Variants in PTPRK observed in about 807,000 individuals in gnomAD.
PTPRK encodes receptor-type tyrosine-protein phosphatase kappa.
A neutral mutation model predicts 178.0 loss-of-function variants in PTPRK; 75 were observed. The observed-to-expected ratio is 0.42, with a 90% CI of 0.35 to 0.51. The LOEUF (loss-of-function observed/expected upper bound fraction) is 0.51. PTPRK is among the 20% of genes least tolerant of loss of function. The pLI, the probability that PTPRK is intolerant of heterozygous loss-of-function variation, is 0.02. For missense variants in PTPRK, 1,441 were observed against 1,797.8 expected (o/e 0.80, Z 3.59); for synonymous variants, 637 against 620.6 (o/e 1.03, Z -0.39).
chr6:128,225,843 G>A (rs975647307), intron 5 of PTPRK, among the ~76,000 whole-genome samples: 2 of 152,068 alleles, frequency 1.3e-5, no homozygotes, highest in Non-Finnish European at 2.9e-5. Flanking sequence ...GGCAATGGAA[G>A]GATGGAAGAA....
In PTPRK at chr6:127,985,873, C is replaced by T. The variant is rs61757811; in HGVS notation, c.3099G>A (p.Arg1033=). Residue 1033 remains arginine (R), a splice_region_variant and synonymous_variant, in exon 22 of 30, where the codon AGG becomes AGA. Coordinates refer to ENST00000368226, the MANE Select transcript of PTPRK (RefSeq NM_002844.4). ...YVVRTFTLER[R]GYNEIREVKQ... The stretch of plus-strand genomic sequence containing the variant: ...TAACTTCACGGATTTCATTGTACCC[C>T]CTCTGTGCAAAGATGGAAAGAAATG... The T allele has an allele frequency of 9.8e-3, 15,711 of 1,608,786 alleles. 1,281 individuals carry two copies. In the African/African-American group the frequency reaches 0.18, roughly 18 times the overall value.
At chr6:128,293,796 A>G (rs1158106713) in intron 3 of PTPRK, among the ~76,000 whole-genome samples, 1 of 152,164 alleles carries the variant, frequency 6.6e-6, no homozygotes, top group East Asian at 1.9e-4. Context: ...TGAGGAAAAG[A>G]GGTACAATTC....
intron 2 of PTPRK, among the ~76,000 whole-genome samples, chr6:128,323,666 G>A (rs1053235162): frequency 3.3e-5 from 5 of 152,142 alleles, no homozygotes; most frequent in South Asian, 2.1e-4. Context: ...AAATGTGACC[G>A]ATTGCCACTG....
intron 5 of PTPRK, among the ~76,000 whole-genome samples, chr6:128,236,636 T>C (rs907099595): frequency 6.6e-6 from 1 of 152,132 alleles, no homozygotes; most frequent in African/African-American, 2.4e-5. Flanking sequence ...CGTGAGCCAC[T>C]GCGCCCGACC....
chr6:128,005,274 T>C (rs762596041), intron 14 of PTPRK, 30 bp from the exon 15 acceptor site: 5 of 1,608,532 alleles, frequency 3.1e-6, no homozygotes, highest in East Asian at 2.2e-5. Context: ...AGGGCATCCT[T>C]AGTGTTTGAG....
At chr6:128,271,779 A>G (rs1392841120) in intron 3 of PTPRK, among the ~76,000 whole-genome samples, 1 of 151,708 alleles carries the variant, frequency 6.6e-6, no homozygotes, top group Admixed American at 6.6e-5. Context: ...TCTCTGGCCA[A>G]CGCTTCTGCT....
chr6:128,110,663 G>C (rs1441895748), intron 7 of PTPRK, among the ~76,000 whole-genome samples: 1 of 151,998 alleles, frequency 6.6e-6, no homozygotes, highest in Non-Finnish European at 1.5e-5. Flanking sequence ...CATTTGAGAA[G>C]AGCCAAGAGT....
intron 7 of PTPRK, among the ~76,000 whole-genome samples, chr6:128,097,931 T>C (rs1788169992): frequency 6.6e-6 from 1 of 152,112 alleles, no homozygotes; most frequent in Non-Finnish European, 1.5e-5. Context: ...CACTGCTTCA[T>C]AATATACAGT....
At chr6:128,500,365 G>C (rs188205681) in intron 1 of PTPRK, among the ~76,000 whole-genome samples, 13 of 148,602 alleles carry the variant, frequency 8.7e-5, no homozygotes, top group African/African-American at 2.1e-4. Context: ...TGAAAATTTG[G>C]GGGGGGGAGT....
chr6:128,514,404 TCA>T (rs1380731617), intron 1 of PTPRK, among the ~76,000 whole-genome samples: 1 of 135,772 alleles, frequency 7.4e-6, no homozygotes, highest in African/African-American at 2.7e-5. Context: ...GTGTGTGTAT[TCA>T]CACAGAGGAC....
At chr6:128,430,926 T>C (rs1049149980) in intron 1 of PTPRK, among the ~76,000 whole-genome samples, 1 of 151,664 alleles carries the variant, frequency 6.6e-6, no homozygotes, top group Non-Finnish European at 1.5e-5. Context: ...CAACGTGTGA[T>C]TTTTAATTTT....
chr6:128,017,699 CTCTCTCTCTCTCCT>C (rs1779732107), intron 13 of PTPRK, among the ~76,000 whole-genome samples: 1 of 146,426 alleles, frequency 6.8e-6, no homozygotes, highest in African/African-American at 2.5e-5. Flanking sequence ...CGCTCTCACT[CTCTCTCTCTCTCCT>C]TCTCTCTCTC....
chr6:128,202,326 T>G (rs1011255614), intron 6 of PTPRK, among the ~76,000 whole-genome samples: 5 of 152,130 alleles, frequency 3.3e-5, no homozygotes, highest in Non-Finnish European at 7.3e-5. Flanking sequence ...CCGTAAATAT[T>G]TGCAACCTGC....
chr6:128,214,870 C>T (rs1361222496), intron 6 of PTPRK, among the ~76,000 whole-genome samples: 2 of 152,200 alleles, frequency 1.3e-5, no homozygotes, highest in East Asian at 3.9e-4. Context: ...TGATGTTAAA[C>T]ACCAACTCTG....
chr6:128,459,866 C>T (rs1848820629), intron 1 of PTPRK, among the ~76,000 whole-genome samples: 1 of 152,126 alleles, frequency 6.6e-6, no homozygotes, highest in African/African-American at 2.4e-5. Flanking sequence ...GTTGTACAGG[C>T]AGCATGGTAG....
chr6:128,082,687 A>G, intron 9 of PTPRK, 49 bp from the exon 10 acceptor site: 1 of 1,384,520 alleles, frequency 7.2e-7, no homozygotes, highest in Non-Finnish European at 9.9e-7. Flanking sequence ...ATCATAAGAA[A>G]CTGTAAATAA....
intron 29 of PTPRK, among the ~76,000 whole-genome samples, chr6:127,970,697 G>A (rs576076188): frequency 2.0e-4 from 31 of 152,050 alleles, no homozygotes; most frequent in Admixed American, 1.5e-3. Context: ...GTTTGCCTCA[G>A]TTCTTTTTGT....
rs763692993 is a variant in PTPRK, at chr6:128,218,904, A to T, written c.868+18T>A. 1.3e-6 allele frequency: 2 copies of T among 1,591,860 alleles called. No homozygotes were observed. Among genetic ancestry groups the T allele is most frequent in the East Asian group, 4.5e-5 (2 of 44,296 alleles). On this transcript the variant is annotated intron_variant, in intron 6 of 29. Transcript: ENST00000368226. ...TAAAGCCATGCAATTTCGTGAAGTG[A>T]AAACAATTTCACCTTACCTCTCACA...
chr6:128,372,758 T>C (rs951039955), intron 2 of PTPRK, among the ~76,000 whole-genome samples: 8 of 152,162 alleles, frequency 5.3e-5, no homozygotes, highest in African/African-American at 1.7e-4. Flanking sequence ...CCATAGTACA[T>C]GGAGAAGACC....
Sources: gnomAD v4.1 joint callset for allele counts (sites outside exome capture counted in the v4.1 genomes callset) on GRCh38, gnomAD v4.1.1 for gene constraint, MANE v1.5 for transcripts, NCBI Gene and HGNC (gene_info 2026-07-23, HGNC 2026-07-21) for gene names.